Variants in EHD4 observed in about 807,000 individuals in gnomAD.
The protein encoded by EHD4 is EH domain-containing protein 4.
A neutral mutation model predicts 51.0 loss-of-function variants in EHD4; 37 were observed. That is an observed-to-expected ratio of 0.73 (90% CI 0.56 to 0.95). EHD4 has a LOEUF of 0.95. EHD4 is among the 40% of genes least tolerant of loss of function. EHD4 has a pLI of 0.00. For missense variants in EHD4, 632 were observed against 733.1 expected (o/e 0.86, Z 1.59); for synonymous variants, 297 against 317.3 (o/e 0.94, Z 0.68).
intron 3 of EHD4, among the ~76,000 whole-genome samples, chr15:41,923,815 A>G (rs757613948): frequency 6.6e-6 from 1 of 152,256 alleles, no homozygotes; most frequent in Admixed American, 6.5e-5. Context: ...TCGAGGAAAC[A>G]GAACTGAAAC....
intron 1 of EHD4, among the ~76,000 whole-genome samples, chr15:41,962,716 G>T (rs376493294): frequency 6.6e-6 from 1 of 151,876 alleles, no homozygotes; most frequent in Non-Finnish European, 1.5e-5. Context: ...TCTGGGAGGT[G>T]GGGGGCGCCT....
chr15:41,948,931 G>C (rs2141002395), intron 2 of EHD4, among the ~76,000 whole-genome samples: 2 of 151,178 alleles, frequency 1.3e-5, no homozygotes, highest in Admixed American at 1.3e-4. Context: ...GGGAAGCTGA[G>C]GTGGGAGGAT....
intron 5 of EHD4, among the ~76,000 whole-genome samples, chr15:41,906,762 C>T (rs1269992074): frequency 2.0e-5 from 3 of 152,258 alleles, no homozygotes; most frequent in African/African-American, 7.2e-5. Flanking sequence ...CCACGTTCCC[C>T]TTGGGGTGAC....
At chr15:41,902,498 T>C (rs912743926) in intron 5 of EHD4, among the ~76,000 whole-genome samples, 1 of 152,070 alleles carries the variant, frequency 6.6e-6, no homozygotes, top group Admixed American at 6.6e-5. Flanking sequence ...TAAATGAGCT[T>C]ATGTTGTAAT....
At chr15:41,943,589 G>A (rs1158288973) in intron 2 of EHD4, among the ~76,000 whole-genome samples, 1 of 152,184 alleles carries the variant, frequency 6.6e-6, no homozygotes, top group Non-Finnish European at 1.5e-5. Context: ...CACTCAGAGC[G>A]GTGCCTTAAA....
At chr15:41,907,521 C>T (rs754881907) in intron 5 of EHD4, among the ~76,000 whole-genome samples, 2 of 152,056 alleles carry the variant, frequency 1.3e-5, no homozygotes, top group Non-Finnish European at 2.9e-5. Flanking sequence ...GTTGTGTGTG[C>T]GTGTATATAT....
chr15:41,909,941 C>G, intron 4 of EHD4, 78 bp from the exon 5 acceptor site: 1 of 1,564,004 alleles, frequency 6.4e-7, no homozygotes, highest in South Asian at 1.2e-5. Context: ...TGCATCTTAA[C>G]TCCATCATAA....
At chr15:41,963,326 C>T (rs1232536666) in intron 1 of EHD4, among the ~76,000 whole-genome samples, 3 of 149,570 alleles carry the variant, frequency 2.0e-5, no homozygotes, top group African/African-American at 7.4e-5. Context: ...AGGCAGGGCA[C>T]GGTGGCTCAC....
At chr15:41,919,726 GC>G (rs1566818967) in intron 3 of EHD4, 104 bp from the exon 4 acceptor site, 1 of 1,168,724 alleles carries the variant, frequency 8.6e-7, no homozygotes. Flanking sequence ...CAGGGAGAGA[GC>G]CCTGTCTCCA....
In EHD4 at chr15:41,943,064, G is replaced by C; in HGVS notation, c.511+3C>G. On this transcript the variant is annotated splice_donor_region_variant and intron_variant, in intron 3 of 5. Transcript: ENST00000220325. ...GTGGGGAGGGGCAGGGACAGGCACTGACCTCGGCTGATGCGCTGCTTCTCC... is the reference window on the plus strand; with the variant it reads ...GTGGGGAGGGGCAGGGACAGGCACTCACCTCGGCTGATGCGCTGCTTCTCC... 1 of 1,567,428 alleles carries C rather than the reference G, an allele frequency of 6.4e-7. No homozygotes were observed. The highest frequency in any genetic ancestry group is 8.7e-7 in the Non-Finnish European group (1 of 1,155,508).
chr15:41,960,670 A>ATTTT (rs577281838), intron 1 of EHD4, among the ~76,000 whole-genome samples: 3 of 127,908 alleles, frequency 2.3e-5, no homozygotes, highest in Non-Finnish European at 5.0e-5. Flanking sequence ...CTTCACTTAC[A>ATTTT]TTTTTTTTTT....
At chr15:41,954,193 G>A (rs1361715350) in intron 1 of EHD4, among the ~76,000 whole-genome samples, 4 of 152,150 alleles carry the variant, frequency 2.6e-5, no homozygotes, top group African/African-American at 9.7e-5. Context: ...GAGCCTCCCT[G>A]ACCTGCATGT....
At chr15:41,935,360 C>T (rs2067725150) in intron 3 of EHD4, among the ~76,000 whole-genome samples, 1 of 152,154 alleles carries the variant, frequency 6.6e-6, no homozygotes, top group South Asian at 2.1e-4. Flanking sequence ...GCACCTGGCA[C>T]CTGACACATA....
intron 3 of EHD4, among the ~76,000 whole-genome samples, chr15:41,933,753 G>A (rs929838357): frequency 1.2e-4 from 19 of 152,192 alleles, no homozygotes; most frequent in Admixed American, 3.9e-4. Context: ...GTTATTAAAC[G>A]TTTCAAAGTG....
intron 4 of EHD4, 104 bp from the exon 5 acceptor site, chr15:41,909,967 C>T: frequency 7.0e-7 from 1 of 1,433,358 alleles, no homozygotes; most frequent in Non-Finnish European, 9.6e-7. Context: ...AACAGGTACC[C>T]ACACAAACCA....
rs568831423 is a variant in EHD4, at chr15:41,909,310, C to T, written c.1089+389G>A. 3.3e-5 allele frequency among the ~76,000 whole-genome samples: 5 copies of T among 152,302 alleles called. No homozygotes were observed. The East Asian group carries it at 7.7e-4, about 24-fold the overall frequency. On this transcript the variant is annotated intron_variant, in intron 5 of 5. Coordinates refer to ENST00000220325, the MANE Select transcript of EHD4 (RefSeq NM_139265.4). ...AAGGCTGCCTGAGCACATAATCCCACGGCGTGAGGCAGGTCAGGGCAGGGC... is the reference window on the plus strand; with the variant it reads ...AAGGCTGCCTGAGCACATAATCCCATGGCGTGAGGCAGGTCAGGGCAGGGC...
At chr15:41,944,794 C>T (rs2067800314) in intron 2 of EHD4, among the ~76,000 whole-genome samples, 1 of 152,122 alleles carries the variant, frequency 6.6e-6, no homozygotes. Flanking sequence ...GAATTTAACC[C>T]ACAAAGTTAA....
chr15:41,931,953 G>C (rs1442160234), intron 3 of EHD4, among the ~76,000 whole-genome samples: 1 of 151,676 alleles, frequency 6.6e-6, no homozygotes, highest in African/African-American at 2.4e-5. Flanking sequence ...GGGATTACAG[G>C]TGTGAGCCGC....
intron 1 of EHD4, among the ~76,000 whole-genome samples, chr15:41,955,880 C>T (rs765224080): frequency 1.3e-5 from 2 of 152,136 alleles, no homozygotes; most frequent in South Asian, 4.1e-4. Context: ...CATTCAGCAG[C>T]GAGGCTGGAA....
Sources: gnomAD v4.1 joint callset for allele counts (sites outside exome capture counted in the v4.1 genomes callset) on GRCh38, gnomAD v4.1.1 for gene constraint, MANE v1.5 for transcripts, NCBI Gene and HGNC (gene_info 2026-07-23, HGNC 2026-07-21) for gene names.